MARCHF1: variants seen among roughly 807,000 people sequenced by gnomAD.
The protein encoded by MARCHF1 is membrane associated ring-CH-type finger 1.
A neutral mutation model predicts 54.2 loss-of-function variants in MARCHF1; 40 were observed. The observed-to-expected ratio is 0.74, with a 90% CI of 0.57 to 0.96. The LOEUF (loss-of-function observed/expected upper bound fraction) is 0.96, where lower values mean the gene tolerates loss of function less well. Ranked by LOEUF, MARCHF1 falls within the 40% of genes least tolerant of loss-of-function variation. The probability of loss-of-function intolerance (pLI) is 0.00; values close to 1 mark genes in which losing one functional copy is unlikely to be tolerated. For missense variants in MARCHF1, 586 were observed against 656.5 expected (o/e 0.89, Z 1.17); for synonymous variants, 236 against 236.3 (o/e 1.00, Z 0.01).
intron 1 of MARCHF1, among the ~76,000 whole-genome samples, chr4:164,342,094 C>A (rs1356305604): frequency 6.6e-6 from 1 of 151,930 alleles, no homozygotes; most frequent in Non-Finnish European, 1.5e-5. Flanking sequence ...AAGAAAATCA[C>A]AAAATTCAAA....
intron 1 of MARCHF1, among the ~76,000 whole-genome samples, chr4:164,318,958 C>T (rs1735068936): frequency 6.6e-6 from 1 of 152,134 alleles, no homozygotes; most frequent in Admixed American, 6.6e-5. Context: ...TGATAATACT[C>T]AACTTATCTG....
intron 1 of MARCHF1, among the ~76,000 whole-genome samples, chr4:164,141,404 G>A (rs994025543): frequency 6.6e-6 from 1 of 152,130 alleles, no homozygotes; most frequent in African/African-American, 2.4e-5. Flanking sequence ...TACTTACAAA[G>A]AAGAGTCACA....
At chr4:164,085,918 C>A (rs4691953) in intron 2 of MARCHF1, among the ~76,000 whole-genome samples, 10,220 of 151,588 alleles carry the variant, frequency 0.067, 498 homozygotes, top group Non-Finnish European at 0.11. Context: ...AAAAATAAAT[C>A]TTGGCAAACT....
Position 163,636,988 on chromosome 4 carries a change from A to C in MARCHF1, c.163-23595T>G, listed in dbSNP as rs1340193567. Among the ~76,000 whole-genome samples, 4 of 152,258 alleles carry C rather than the reference A, an allele frequency of 2.6e-5. No homozygotes were observed. The East Asian group carries it at 7.7e-4, about 29-fold the overall frequency. On this transcript the variant is annotated intron_variant, in intron 5 of 9. Coordinates refer to ENST00000514618, the MANE Select transcript of MARCHF1 (RefSeq NM_001394959.1). Reference sequence around the variant, plus strand: ...TTTGACAAACCTCAGAAAAACAAGCAATGGGGAAAGGATTCCCTATTTAAT... The same window carrying C: ...TTTGACAAACCTCAGAAAAACAAGCCATGGGGAAAGGATTCCCTATTTAAT...
intron 2 of MARCHF1, among the ~76,000 whole-genome samples, chr4:164,059,148 C>A (rs1181725712): frequency 2.0e-5 from 3 of 152,108 alleles, no homozygotes; most frequent in Admixed American, 6.5e-5. Context: ...GAAATATAAG[C>A]TGCCAATTCC....
chr4:164,061,733 A>C (rs1385678690), intron 2 of MARCHF1, among the ~76,000 whole-genome samples: 3 of 152,160 alleles, frequency 2.0e-5, no homozygotes, highest in African/African-American at 7.2e-5. Flanking sequence ...AAAAGAGTGC[A>C]ATAGAATTTT....
intron 1 of MARCHF1, among the ~76,000 whole-genome samples, chr4:164,361,560 C>G (rs1364427336): frequency 6.6e-6 from 1 of 152,030 alleles, no homozygotes; most frequent in African/African-American, 2.4e-5. Context: ...TGTGATTTTT[C>G]TCTCATTTTT....
intron 4 of MARCHF1, among the ~76,000 whole-genome samples, chr4:163,841,069 G>A (rs1341020256): frequency 6.6e-6 from 1 of 152,032 alleles, no homozygotes; most frequent in Admixed American, 6.6e-5. Flanking sequence ...TTAAGATTAG[G>A]TAAAAGAATG....
chr4:164,015,119 G>C (rs181300345), intron 2 of MARCHF1, among the ~76,000 whole-genome samples: 1 of 152,142 alleles, frequency 6.6e-6, no homozygotes, highest in African/African-American at 2.4e-5. Flanking sequence ...TCAAACAATG[G>C]AACAGAATAG....
chr4:163,601,753 AT>A (rs200577882), intron 7 of MARCHF1, among the ~76,000 whole-genome samples: 6 of 151,352 alleles, frequency 4.0e-5, no homozygotes, highest in African/African-American at 1.2e-4. Context: ...ATCTACTTTA[AT>A]TTTTTTTTAA....
chr4:164,150,787 G>A (rs116441791), intron 1 of MARCHF1, among the ~76,000 whole-genome samples: 1,935 of 152,236 alleles, frequency 0.013, 31 homozygotes, highest in African/African-American at 0.041. Context: ...AATTGTCTCC[G>A]AAAGATGTTC....
chr4:163,599,368 A>G (rs1286828925), intron 7 of MARCHF1, among the ~76,000 whole-genome samples: 1 of 151,910 alleles, frequency 6.6e-6, no homozygotes, highest in East Asian at 1.9e-4. Flanking sequence ...AAACATACAC[A>G]TTAGCTTATG....
At chr4:163,921,061 T>C (rs1751419393) in intron 3 of MARCHF1, among the ~76,000 whole-genome samples, 1 of 152,176 alleles carries the variant, frequency 6.6e-6, no homozygotes, top group Non-Finnish European at 1.5e-5. Flanking sequence ...TATCAAAGCA[T>C]GTTTTTCCAA....
intron 3 of MARCHF1, among the ~76,000 whole-genome samples, chr4:163,917,086 T>A (rs1003449927): frequency 1.3e-5 from 2 of 152,178 alleles, no homozygotes; most frequent in Non-Finnish European, 2.9e-5. Context: ...GTTCTATGTG[T>A]GGAATCACAC....
chr4:163,555,919 T>C, intron 8 of MARCHF1: 2 of 456,238 alleles, frequency 4.4e-6, no homozygotes, highest in Non-Finnish European at 8.8e-6. Context: ...GCCTAAGTGA[T>C]CATAGCCTTG....
chr4:164,339,530 T>G (rs951750122), intron 1 of MARCHF1, among the ~76,000 whole-genome samples: 18 of 151,930 alleles, frequency 1.2e-4, no homozygotes, highest in Non-Finnish European at 2.1e-4. Flanking sequence ...GCAAAAAAAA[T>G]TTAAAACAAC....
At chr4:163,640,411 A>G (rs1415883298) in intron 5 of MARCHF1, among the ~76,000 whole-genome samples, 2 of 152,150 alleles carry the variant, frequency 1.3e-5, no homozygotes, top group Non-Finnish European at 2.9e-5. Flanking sequence ...GATTCTATCA[A>G]AAATGTGAGG....
At chr4:163,642,680 A>G (rs1475585275) in intron 5 of MARCHF1, among the ~76,000 whole-genome samples, 1 of 152,114 alleles carries the variant, frequency 6.6e-6, no homozygotes, top group Non-Finnish European at 1.5e-5. Flanking sequence ...TATACTATTT[A>G]TCCTTCTGGT....
chr4:164,235,050 T>C (rs1218229587), intron 1 of MARCHF1: 1 of 152,154 alleles, frequency 6.6e-6, no homozygotes, highest in Non-Finnish European at 1.5e-5. Flanking sequence ...TCCCTTCCTT[T>C]ACATCTCTTT....
Sources: allele counts gnomAD v4.1 joint callset (sites outside exome capture counted in the v4.1 genomes callset), GRCh38; gene constraint gnomAD v4.1.1; transcripts MANE v1.5; gene names NCBI Gene and HGNC (gene_info 2026-07-23, HGNC 2026-07-21).